The following IL1R1 variants were observed in gnomAD, a reference collection of about 807,000 sequenced individuals.
IL1R1 encodes interleukin-1 receptor type 1.
IL1R1 carries 22 observed loss-of-function variants against 50.2 expected under a neutral mutation model. That is an observed-to-expected ratio of 0.44 (90% confidence interval 0.31 to 0.63). The LOEUF is 0.63. Among genes scored for constraint, IL1R1 ranks in the 20% least tolerant of loss-of-function variants. The pLI is 0.07. For synonymous variants in IL1R1, 251 were observed against 236.7 expected, an observed-to-expected ratio of 1.06 and a Z score of -0.55; for missense variants, 509 against 676.2, an observed-to-expected ratio of 0.75 and a Z score of 2.74.
upstream of IL1R1, among the ~76,000 whole-genome samples, chr2:102,139,822 T>C (rs190194398): frequency 5.3e-5 from 8 of 152,358 alleles, no homozygotes; most frequent in Admixed American, 5.2e-4. Flanking sequence ...GTGCCATGCT[T>C]CCTGTATAGC....
intron 1 of IL1R1, among the ~76,000 whole-genome samples, chr2:102,124,425 C>G (rs146677396): frequency 1.4e-5 from 2 of 147,862 alleles, no homozygotes; most frequent in Admixed American, 6.7e-5. Flanking sequence ...ATCTCCCCCC[C>G]ACCACTGCCC....
At chr2:102,168,724 A>C in intron 7 of IL1R1, 61 bp downstream of exon 7, 1 of 1,185,268 alleles carries the variant, frequency 8.4e-7, no homozygotes, top group Non-Finnish European at 1.2e-6. Flanking sequence ...ACATAAGAGT[A>C]AGATAAATTG....
intron 1 of IL1R1, among the ~76,000 whole-genome samples, chr2:102,148,784 C>T (rs1683378623): frequency 6.6e-6 from 1 of 152,136 alleles, no homozygotes; most frequent in African/African-American, 2.4e-5. Context: ...TCCCTTTTAC[C>T]TTCTTTTTCA....
chr2:102,175,803 G>C, intron 11 of IL1R1, 158 bp downstream of exon 11: 1 of 700,122 alleles, frequency 1.4e-6, no homozygotes, highest in South Asian at 1.7e-5. Flanking sequence ...TTTATTAAAT[G>C]CATTTACTTC....
At chr2:102,144,214 A>G (rs535856120) in intron 1 of IL1R1, among the ~76,000 whole-genome samples, 1 of 152,286 alleles carries the variant, frequency 6.6e-6, no homozygotes, top group South Asian at 2.1e-4. Context: ...TTTATGCTAG[A>G]CAGAAAGGTA....
upstream of IL1R1, among the ~76,000 whole-genome samples, chr2:102,102,076 A>G (rs1680167675): frequency 6.6e-6 from 1 of 152,194 alleles, no homozygotes; most frequent in African/African-American, 2.4e-5. Context: ...GGAAGGAGCA[A>G]GAGAGAAGAA....
chr2:102,125,815 T>C (rs900933425), intron 1 of IL1R1, among the ~76,000 whole-genome samples: 1 of 152,216 alleles, frequency 6.6e-6, no homozygotes, highest in Non-Finnish European at 1.5e-5. Flanking sequence ...GGCCCATCCA[T>C]GAACAAAACT....
At chr2:102,122,521 C>T (rs1681459997) in intron 1 of IL1R1, among the ~76,000 whole-genome samples, 1 of 152,238 alleles carries the variant, frequency 6.6e-6, no homozygotes, top group South Asian at 2.1e-4. Flanking sequence ...TACTAACAGG[C>T]GTGAGTGAGG....
At chr2:102,128,778 A>C (rs1411321320) in intron 1 of IL1R1, among the ~76,000 whole-genome samples, 1 of 152,178 alleles carries the variant, frequency 6.6e-6, no homozygotes, top group Non-Finnish European at 1.5e-5. Flanking sequence ...AGAACAGTAA[A>C]AGGCAGCAAT....
At chr2:102,143,630 T>C (rs1031732587) in intron 1 of IL1R1, among the ~76,000 whole-genome samples, 10 of 152,078 alleles carry the variant, frequency 6.6e-5, no homozygotes, top group Admixed American at 2.6e-4. Flanking sequence ...GAAGCAGAAG[T>C]TTAGGTGACC....
At chr2:102,117,350 A>G (rs1207294547) in intron 1 of IL1R1, among the ~76,000 whole-genome samples, 1 of 152,182 alleles carries the variant, frequency 6.6e-6, no homozygotes, top group Non-Finnish European at 1.5e-5. Flanking sequence ...AGCTGACAGA[A>G]CACAGCTGGA....
chr2:102,172,301 A>T (rs1685758291), intron 8 of IL1R1: 2 of 985,326 alleles, frequency 2.0e-6, no homozygotes, highest in Non-Finnish European at 1.2e-6. Flanking sequence ...CCTACTGCTC[A>T]TCTATGGGAC....
At position 102,176,677 on chromosome 2, in the gene IL1R1, G is replaced by T; in HGVS notation, c.1628G>T (p.Arg543Leu). 6.2e-7 allele frequency: 1 copy of T among 1,614,144 alleles called. No homozygotes were observed. Among genetic ancestry groups the T allele is most frequent in the Non-Finnish European group, 8.5e-7 (1 of 1,180,016 alleles). Residue 543 changes from arginine (R) to leucine (L), a missense_variant, in exon 12 of 12, where the codon CGG becomes CTG. Arg to Leu is a moderately radical substitution (Grantham distance 102). Transcript: ENST00000410023. ...NVRYHMPVQR[R>L]SPSSKHQLLS... The stretch of plus-strand genomic sequence containing the variant: ...AGGTACCACATGCCAGTCCAGCGAC[G>T]GTCACCTTCATCTAAACACCAGTTA...
At chr2:102,162,867 G>C (rs1684851946) in intron 3 of IL1R1, among the ~76,000 whole-genome samples, 1 of 151,920 alleles carries the variant, frequency 6.6e-6, no homozygotes, top group Admixed American at 6.6e-5. Context: ...TCATTCTTTT[G>C]CGTAGATTCA....
chr2:102,148,619 C>A (rs976811906), intron 1 of IL1R1, among the ~76,000 whole-genome samples: 1 of 152,130 alleles, frequency 6.6e-6, no homozygotes, highest in African/African-American at 2.4e-5. Context: ...CTGAGAAAAT[C>A]TTTGGATGAA....
chr2:102,073,327 T>TAAAC (rs1430092059), intron 1 of IL1R1, among the ~76,000 whole-genome samples: 1 of 152,150 alleles, frequency 6.6e-6, no homozygotes, highest in African/African-American at 2.4e-5. Flanking sequence ...GGTGAACAAA[T>TAAAC]AAACAAACAA....
intron 1 of IL1R1, among the ~76,000 whole-genome samples, chr2:102,087,613 A>C (rs2104303423): frequency 6.6e-6 from 1 of 152,174 alleles, no homozygotes; most frequent in South Asian, 2.1e-4. Flanking sequence ...AGTGAGTGTG[A>C]GTTCTCATGA....
intron 1 of IL1R1, among the ~76,000 whole-genome samples, chr2:102,084,057 C>G (rs28548293): frequency 1.3e-5 from 2 of 152,066 alleles, no homozygotes; most frequent in East Asian, 3.9e-4. Flanking sequence ...CTCTGAATCT[C>G]TTGCGACTCT....
At position 102,173,164 on chromosome 2, in the gene IL1R1, T is replaced by A. The variant is rs538809944; in HGVS notation, c.991+326T>A. Among the ~76,000 whole-genome samples the A allele has an allele frequency of 8.5e-4, 129 of 152,344 alleles. 1 individual carries two copies. The highest frequency in any genetic ancestry group is 2.8e-3 in the African/African-American group (118 of 41,582). On this transcript the variant is annotated intron_variant, in intron 9 of 11. Transcript: ENST00000410023. ...ATTCTGTGATGGTGGCAACCATTTA[T>A]CTTAGTAATCATTCTATTTCCACAG...
Sources: gnomAD v4.1 joint callset for allele counts (sites outside exome capture counted in the v4.1 genomes callset) on GRCh38, gnomAD v4.1.1 for gene constraint, MANE v1.5 for transcripts, NCBI Gene and HGNC (gene_info 2026-07-23, HGNC 2026-07-21) for gene names.